NLGN4Y: variants seen among roughly 807,000 people sequenced by gnomAD.
The protein encoded by NLGN4Y is neuroligin 4 Y-linked, also known as neuroligin-4, Y-linked.
A neutral mutation model predicts 8.4 loss-of-function variants in NLGN4Y; 4 were observed. The observed-to-expected ratio is 0.48, with a 90% CI of 0.23 to 1.09. The LOEUF is 1.09. Ranked by LOEUF, NLGN4Y falls within the 50% of genes least tolerant of loss-of-function variation. The probability of loss-of-function intolerance (pLI) is 0.19; values close to 1 mark genes in which losing one functional copy is unlikely to be tolerated. For missense variants in NLGN4Y, 90 were observed against 192.3 expected, an observed-to-expected ratio of 0.47 and a Z score of 3.15; for synonymous variants, 35 against 75.6, an observed-to-expected ratio of 0.46 and a Z score of 2.78.
chrY:14,674,459 A>T lies in NLGN4Y; in HGVS notation c.473-45000A>T, dbSNP rs748894780. 2.6e-4 allele frequency among the ~76,000 whole-genome samples: 8 copies of T among 30,502 alleles called. No homozygotes were observed. In the East Asian group the frequency reaches 6.8e-3, roughly 26 times the overall value. The allele number at this position is 30,502 out of a possible 37,273, so 81.8% of individuals were successfully genotyped here. ...TCTGGGATTCATGCAATCACAACCC[A>T]CATCCAAAAAATAATAGCAGCACTT... On this transcript the variant is annotated intron_variant, in intron 2 of 6. Transcript: ENST00000684976.
At chrY:14,734,185 A>T in intron 4 of NLGN4Y, among the ~76,000 whole-genome samples, 1 of 33,797 alleles carries the variant, frequency 3.0e-5, no homozygotes, top group Non-Finnish European at 7.3e-5. Context: ...AATCCTCTCC[A>T]AAGCTGCACC....
chrY:14,823,252 T>A, intron 4 of NLGN4Y, among the ~76,000 whole-genome samples: 1 of 33,347 alleles, frequency 3.0e-5, no homozygotes, highest in Admixed American at 2.8e-4. Flanking sequence ...TTGGTTTGGA[T>A]TTATGTTATT....
chrY:14,591,479 C>T (rs1038179800), intron 1 of NLGN4Y, among the ~76,000 whole-genome samples: 3 of 32,775 alleles, frequency 9.2e-5, no homozygotes, highest in Admixed American at 8.3e-4. Context: ...GTGGTAGGGG[C>T]GCTGTTGCAG....
intron 1 of NLGN4Y, among the ~76,000 whole-genome samples, chrY:14,596,748 G>T (rs2080401264): frequency 3.0e-5 from 1 of 33,369 alleles, no homozygotes; most frequent in Admixed American, 2.7e-4. Context: ...TGGCTGACAG[G>T]TGCCTGGTAT....
At chrY:14,603,616 A>G (rs2150499251) in intron 1 of NLGN4Y, among the ~76,000 whole-genome samples, 1 of 33,599 alleles carries the variant, frequency 3.0e-5, no homozygotes, top group Admixed American at 2.7e-4. Flanking sequence ...TCAAGACAAG[A>G]TAGTCATGGC....
At chrY:14,566,027 A>G in intron 1 of NLGN4Y, among the ~76,000 whole-genome samples, 1 of 33,493 alleles carries the variant, frequency 3.0e-5, no homozygotes, top group African/African-American at 1.2e-4. Flanking sequence ...AGGAAGGACA[A>G]ATAAGGAAAG....
chrY:14,827,636 G>A (rs2043153448), intron 5 of NLGN4Y, among the ~76,000 whole-genome samples: 1 of 32,927 alleles, frequency 3.0e-5, no homozygotes, highest in Non-Finnish European at 7.4e-5. Flanking sequence ...ACAAAAATTA[G>A]CCAGGTGTGG....
chrY:14,528,582 G>C, intron 1 of NLGN4Y, among the ~76,000 whole-genome samples: 1 of 32,217 alleles, frequency 3.1e-5, no homozygotes, highest in Non-Finnish European at 7.6e-5. Flanking sequence ...GGAGGAAACT[G>C]CCCCTGTGAT....
intron 3 of NLGN4Y, among the ~76,000 whole-genome samples, chrY:14,721,716 A>G: frequency 1.9e-4 from 6 of 32,254 alleles, no homozygotes; most frequent in Admixed American, 8.8e-4. Flanking sequence ...AAGTGAAAAT[A>G]AATATGCATG....
intron 1 of NLGN4Y, among the ~76,000 whole-genome samples, chrY:14,569,274 G>C: frequency 6.1e-5 from 2 of 32,610 alleles, no homozygotes; most frequent in African/African-American, 2.4e-4. Flanking sequence ...CCCATACCCT[G>C]CTTTCTCCCC....
chrY:14,610,060 G>T (rs2080460816), intron 1 of NLGN4Y, among the ~76,000 whole-genome samples: 1 of 33,020 alleles, frequency 3.0e-5, no homozygotes, highest in African/African-American at 1.2e-4. Context: ...CCCCTTTAAT[G>T]TTTTTATTGT....
intron 2 of NLGN4Y, among the ~76,000 whole-genome samples, chrY:14,655,865 A>G (rs910523646): frequency 5.7e-4 from 19 of 33,434 alleles, no homozygotes; most frequent in African/African-American, 2.2e-3. Context: ...GCCCACCCTC[A>G]GCTGGGCATG....
intron 2 of NLGN4Y, among the ~76,000 whole-genome samples, chrY:14,711,500 T>G: frequency 3.1e-5 from 1 of 32,043 alleles, no homozygotes; most frequent in African/African-American, 1.2e-4. Flanking sequence ...AGTAGTTATG[T>G]GCCCTAGAGC....
At chrY:14,556,842 G>A in intron 1 of NLGN4Y, among the ~76,000 whole-genome samples, 1 of 33,026 alleles carries the variant, frequency 3.0e-5, no homozygotes, top group Non-Finnish European at 7.4e-5. Flanking sequence ...CCACACAACC[G>A]CGCATATTAA....
At chrY:14,619,005 A>G (rs2080499599) in intron 1 of NLGN4Y, among the ~76,000 whole-genome samples, 1 of 33,996 alleles carries the variant, frequency 2.9e-5, no homozygotes, top group Non-Finnish European at 7.3e-5. Flanking sequence ...ACTTAGACTT[A>G]GGAAGCGTAC....
At chrY:14,829,017 TA>T (rs1161427138) in intron 5 of NLGN4Y, among the ~76,000 whole-genome samples, 2 of 25,821 alleles carry the variant, frequency 7.7e-5, no homozygotes, top group Admixed American at 3.5e-4. Context: ...GGCAAAAAAA[TA>T]AAAAAAAAAA....
At chrY:14,645,535 A>G (rs1603501996) in intron 2 of NLGN4Y, among the ~76,000 whole-genome samples, 1 of 31,333 alleles carries the variant, frequency 3.2e-5, no homozygotes, top group Non-Finnish European at 7.8e-5. Context: ...ACAATTAGGG[A>G]AAAAAAAAGA....
At chrY:14,703,161 T>C (rs1603502923) in intron 2 of NLGN4Y, among the ~76,000 whole-genome samples, 3 of 33,222 alleles carry the variant, frequency 9.0e-5, no homozygotes, top group Admixed American at 2.8e-4. Flanking sequence ...AGCTCTTTAG[T>C]TTAATTAGAT....
At chrY:14,599,266 G>A in intron 1 of NLGN4Y, among the ~76,000 whole-genome samples, 3 of 28,841 alleles carry the variant, frequency 1.0e-4, no homozygotes, top group Non-Finnish European at 2.4e-4. Context: ...ATGAACTCAC[G>A]GGATCTCAAG....
Sources: gnomAD v4.1 joint callset for allele counts (sites outside exome capture counted in the v4.1 genomes callset) on GRCh38, gnomAD v4.1.1 for gene constraint, MANE v1.5 for transcripts, NCBI Gene and HGNC (gene_info 2026-07-23, HGNC 2026-07-21) for gene names.